DAB1: variants seen among roughly 807,000 people sequenced by gnomAD.
The protein encoded by DAB1 is disabled homolog 1.
In DAB1, 15 loss-of-function variants were observed where a neutral mutation model predicts 64.6. That is an observed-to-expected ratio of 0.23 (90% CI 0.16 to 0.36). The LOEUF is 0.36. Among genes scored for constraint, DAB1 ranks in the 10% least tolerant of loss-of-function variants. The pLI is 1.00. For missense variants in DAB1, 596 were observed against 706.7 expected (o/e 0.84, Z 1.78); for synonymous variants, 235 against 251.9 (o/e 0.93, Z 0.64).
intron 3 of DAB1, among the ~76,000 whole-genome samples, chr1:58,471,646 T>C (rs867516025): frequency 4.6e-5 from 7 of 152,184 alleles, no homozygotes; most frequent in South Asian, 2.1e-4. Context: ...GATTGGATCA[T>C]GGGGCAGGTT....
chr1:57,856,012 T>C (rs1044767202), intron 1 of DAB1, among the ~76,000 whole-genome samples: 1 of 152,086 alleles, frequency 6.6e-6, no homozygotes, highest in African/African-American at 2.4e-5. Context: ...GGATTTACTG[T>C]CAGATAAATA....
chr1:57,618,899 A>G (rs750505262), intron 7 of DAB1, among the ~76,000 whole-genome samples: 2 of 151,534 alleles, frequency 1.3e-5, no homozygotes, highest in Non-Finnish European at 3.0e-5. Context: ...CAACTTTGTG[A>G]CCTTGGGCAA....
intron 5 of DAB1, among the ~76,000 whole-genome samples, chr1:57,922,134 C>T (rs1039780984): frequency 1.1e-4 from 17 of 152,130 alleles, no homozygotes; most frequent in Non-Finnish European, 1.0e-4. Context: ...GTAATATTCC[C>T]CTCCTGACAA....
At chr1:58,295,673 G>A (rs1315858924) in intron 4 of DAB1, among the ~76,000 whole-genome samples, 1 of 151,984 alleles carries the variant, frequency 6.6e-6, no homozygotes, top group Non-Finnish European at 1.5e-5. Flanking sequence ...ATTGTTTTAT[G>A]CCCAGTACAG....
At chr1:57,601,822 TTGTGTG>T (rs113611186) in intron 7 of DAB1, among the ~76,000 whole-genome samples, 1 of 151,236 alleles carries the variant, frequency 6.6e-6, no homozygotes, top group Non-Finnish European at 1.5e-5. Context: ...CACACTATTT[TTGTGTG>T]TGTGTGTGTG....
At chr1:58,446,599 C>G (rs1448465368) in intron 3 of DAB1, among the ~76,000 whole-genome samples, 1 of 152,128 alleles carries the variant, frequency 6.6e-6, no homozygotes, top group Non-Finnish European at 1.5e-5. Flanking sequence ...AACCATGAAC[C>G]TTTTAGCAAA....
intron 6 of DAB1, among the ~76,000 whole-genome samples, chr1:57,665,485 A>G (rs939142204): frequency 6.6e-6 from 1 of 152,130 alleles, no homozygotes; most frequent in Admixed American, 6.6e-5. Flanking sequence ...TGACTGACTA[A>G]ATAATTTTAC....
At chr1:58,239,978 G>A (rs914113429) in intron 4 of DAB1, among the ~76,000 whole-genome samples, 5 of 152,158 alleles carry the variant, frequency 3.3e-5, no homozygotes, top group African/African-American at 4.8e-5. Flanking sequence ...TAAATGTAAA[G>A]TTGTCTTTGC....
chr1:57,282,182 CAAAAAAAAAAAAAAA>C (rs61512431), intron 2 of DAB1, among the ~76,000 whole-genome samples: 1 of 92,768 alleles, frequency 1.1e-5, no homozygotes, highest in South Asian at 3.9e-4. Flanking sequence ...GCCTTCTTCT[CAAAAAAAAAAAAAAA>C]AAAAAAAAAA....
At chr1:57,418,867 A>G (rs751758826) in intron 1 of DAB1, among the ~76,000 whole-genome samples, 5 of 152,206 alleles carry the variant, frequency 3.3e-5, no homozygotes, top group South Asian at 2.1e-4. Flanking sequence ...ACCTTCCCAC[A>G]TCTCAAAACT....
At chr1:57,314,088 C>T (rs1674974873) in intron 1 of DAB1, among the ~76,000 whole-genome samples, 1 of 152,166 alleles carries the variant, frequency 6.6e-6, no homozygotes, top group East Asian at 1.9e-4. Context: ...AGCCATTCTT[C>T]AAAGAAAACA....
At chr1:56,998,174 G>T (rs1194436695) in intron 14 of DAB1, 46 bp from the exon 15 acceptor site, 1 of 152,596 alleles carries the variant, frequency 6.6e-6, no homozygotes, top group Non-Finnish European at 1.5e-5. Context: ...ACACTTGCAT[G>T]GATTTTCTGA....
At chr1:58,337,334 G>A (rs1663144431) in intron 4 of DAB1, among the ~76,000 whole-genome samples, 1 of 150,770 alleles carries the variant, frequency 6.6e-6, no homozygotes, top group African/African-American at 2.4e-5. Flanking sequence ...ATAAATTGGA[G>A]TAACGTGGTG....
At chr1:57,908,831 G>A (rs550682592) in intron 5 of DAB1, among the ~76,000 whole-genome samples, 2 of 152,298 alleles carry the variant, frequency 1.3e-5, no homozygotes, top group South Asian at 4.1e-4. Flanking sequence ...GGAGGCATAT[G>A]GTTTAGATTC....
intron 5 of DAB1, among the ~76,000 whole-genome samples, chr1:57,947,892 C>A (rs1302162239): frequency 1.3e-5 from 2 of 152,186 alleles, no homozygotes; most frequent in Non-Finnish European, 2.9e-5. Flanking sequence ...CTAAAATAAA[C>A]CGTGGTCTCC....
intron 4 of DAB1, among the ~76,000 whole-genome samples, chr1:57,089,050 G>A (rs1041738989): frequency 2.6e-5 from 4 of 152,178 alleles, no homozygotes; most frequent in African/African-American, 9.7e-5. Flanking sequence ...AAACACCTAT[G>A]CTTTTTGTGA....
At chr1:57,489,798 T>C (rs17115873) in intron 7 of DAB1, among the ~76,000 whole-genome samples, 3,512 of 152,264 alleles carry the variant, frequency 0.023, 152 homozygotes, top group African/African-American at 0.08. Flanking sequence ...ACAGCAAAAT[T>C]GAAGGTATGA....
intron 6 of DAB1, among the ~76,000 whole-genome samples, chr1:57,746,087 G>C (rs1236737057): frequency 2.6e-5 from 4 of 152,038 alleles, no homozygotes; most frequent in African/African-American, 9.7e-5. Context: ...TTCCCCAATT[G>C]ATGAACATAC....
At chr1:57,747,520 C>T (rs1043749383) in intron 6 of DAB1, among the ~76,000 whole-genome samples, 1 of 151,922 alleles carries the variant, frequency 6.6e-6, no homozygotes, top group Non-Finnish European at 1.5e-5. Flanking sequence ...AGTAAGAATA[C>T]CATTGTAGGC....
Sources: gnomAD v4.1 joint callset for allele counts (sites outside exome capture counted in the v4.1 genomes callset) on GRCh38, gnomAD v4.1.1 for gene constraint, MANE v1.5 for transcripts, NCBI Gene and HGNC (gene_info 2026-07-23, HGNC 2026-07-21) for gene names.